The following ZNF226 variants were observed in gnomAD, a reference collection of about 807,000 sequenced individuals.
The protein encoded by ZNF226 is Kruppel-associated box protein.
A neutral mutation model predicts 11.4 loss-of-function variants in ZNF226; 6 were observed. The ratio of observed to expected loss-of-function variants is 0.53; its 90% CI spans 0.29 to 1.04. ZNF226 has a LOEUF of 1.04. Ranked by LOEUF, ZNF226 falls within the 50% of genes least tolerant of loss-of-function variation. The pLI, the probability that ZNF226 is intolerant of heterozygous loss-of-function variation, is 0.08. For missense variants in ZNF226, 1,058 were observed against 956.5 expected, an observed-to-expected ratio of 1.11 and a Z score of -1.40; for synonymous variants, 350 against 322.8, an observed-to-expected ratio of 1.08 and a Z score of -0.90.
the ZNF226 span, among the ~76,000 whole-genome samples, chr19:44,186,929 T>C: frequency 6.6e-6 from 1 of 151,676 alleles, no homozygotes; most frequent in Non-Finnish European, 1.5e-5. Flanking sequence ...GTGTATTACA[T>C]TGATTGATTT....
Position 44,176,978 on chromosome 19 carries a change from A to G in ZNF226, c.1716A>G (p.Ser572=), listed in dbSNP as rs1302373001. ...GTGGGCAGGGTTTCAATCAGAGCTC[A>G]CGACTTCAGATTCACCAGCTGATCC... ...EECGQGFNQS[S]RLQIHQLIHT... is the part of the protein sequence containing the mutation. Residue 572 remains serine, a synonymous_variant, in exon 6 of 6, where the codon TCA becomes TCG. Coordinates refer to ENST00000337433, the MANE Select transcript of ZNF226 (RefSeq NM_001032373.2). 3 of 1,614,006 alleles carry G rather than the reference A, an allele frequency of 1.9e-6. No homozygotes were observed. The East Asian group carries it at 6.7e-5, about 36-fold the overall frequency.
chr19:44,170,049 ACT>A lies in ZNF226; in HGVS notation c.-29_-28del. ...TTCTTTCCTAGTTCAGCTTCTTAGG[ACT>A]CTGCACTTCCCCAGAAGGAAGAATT... On this transcript the variant is annotated 5_prime_UTR_variant, in exon 3 of 6. Transcript: ENST00000337433. 6.2e-7 allele frequency: 1 copy of A among 1,606,216 alleles called. No homozygotes were observed. Among genetic ancestry groups the A allele is most frequent in the Non-Finnish European group, 8.5e-7 (1 of 1,175,838 alleles).
At position 44,176,254 on chromosome 19, in the gene ZNF226, TAG is replaced by T; in HGVS notation, c.996_997del (p.Lys333ThrfsTer5). 2 of 1,614,086 alleles carry T rather than the reference TAG, an allele frequency of 1.2e-6. No individual in the cohort carries two copies. Among genetic ancestry groups the T allele is most frequent in the Non-Finnish European group, 1.7e-6 (2 of 1,179,996 alleles). On this transcript the variant is annotated frameshift_variant, in exon 6 of 6. Transcript: ENST00000337433. LOFTEE classifies it low-confidence loss of function (END_TRUNC). The stretch of plus-strand genomic sequence containing the variant: ...CAGACCCATCAGAAAGTCCACGTGA[TAG>T]AGAAACCATACAAATGTAAGCAATG...
intron 2 of ZNF226, among the ~76,000 whole-genome samples, chr19:44,166,512 G>C (rs1463785613): frequency 6.6e-6 from 1 of 152,046 alleles, no homozygotes; most frequent in Non-Finnish European, 1.5e-5. Context: ...AAAAAGAAAA[G>C]AGTTTTTAAA....
chr19:44,182,696 A>T (rs1181714094), downstream of ZNF226, among the ~76,000 whole-genome samples: 2 of 151,558 alleles, frequency 1.3e-5, no homozygotes, highest in African/African-American at 4.8e-5. Flanking sequence ...AATGGGCTTT[A>T]AAAAAAAATT....
the ZNF226 span, among the ~76,000 whole-genome samples, chr19:44,196,052 A>T: frequency 6.6e-6 from 1 of 151,322 alleles, no homozygotes; most frequent in Non-Finnish European, 1.5e-5. Context: ...TTTTTTTCCC[A>T]GAAGGAATGA....
the ZNF226 span, among the ~76,000 whole-genome samples, chr19:44,187,855 A>G: frequency 1.3e-5 from 2 of 152,092 alleles, no homozygotes; most frequent in African/African-American, 4.8e-5. This position sits in a 1 kb window ranked among gnomAD's most constrained non-coding sequence, Gnocchi z 4.0. Context: ...GATGTTTTCT[A>G]AATTCCTTTA....
At position 44,172,161 on chromosome 19, in the gene ZNF226, GGAAGCTGTACC is replaced by G. The variant is rs1488408199; in HGVS notation, c.92_102del (p.Lys31ArgfsTer8). 6.2e-7 allele frequency: 1 copy of G among 1,613,276 alleles called. No individual in the cohort carries two copies. Among genetic ancestry groups the G allele is most frequent in the Non-Finnish European group, 8.5e-7 (1 of 1,179,442 alleles). On this transcript the variant is annotated frameshift_variant, in exon 4 of 6. Transcript: ENST00000337433. LOFTEE classifies it high-confidence loss of function. ...TTGGGGCTGCTGGGCCCTGCCCAGA[GGAAGCTGTACC>G]GAGATGTGATGGTGGAGAACTTTAG... is the stretch of plus-strand genomic sequence containing the variant.
At chr19:44,183,290 C>T (rs745637902), downstream of ZNF226, among the ~76,000 whole-genome samples, 9 of 152,112 alleles carry the variant, frequency 5.9e-5, no homozygotes, top group Admixed American at 1.3e-4. Flanking sequence ...TGCTTAGGCC[C>T]GTTTGTGGTG....
rs767593738 is a variant in ZNF226, at chr19:44,176,708, A to C, written c.1446A>C (p.Lys482Asn). ...CATACATATGTACTGTATGTGGGAA[A>C]GGCTTTACTCTGAGTTCAAATCTTC... ...EKSYICTVCG[K>N]GFTLSSNLQA... Residue 482 changes from lysine to asparagine, a missense_variant, in exon 6 of 6, where the codon AAA (lysine) becomes AAC (asparagine). Coordinates refer to ENST00000337433, the MANE Select transcript of ZNF226 (RefSeq NM_001032373.2). 3 of 1,613,742 alleles carry C rather than the reference A, an allele frequency of 1.9e-6. No individual in the cohort carries two copies. The highest frequency in any genetic ancestry group is 2.2e-5 in the East Asian group (1 of 44,830).
At chr19:44,175,283 A>G (rs1283236836) in intron 5 of ZNF226, 4 of 1,404,176 alleles carry the variant, frequency 2.8e-6, no homozygotes, top group Non-Finnish European at 3.7e-6. Flanking sequence ...GGGTTTCATT[A>G]GTGCTTAGCA....
intron 4 of ZNF226, 127 bp from the exon 5 acceptor site, chr19:44,172,733 C>A: frequency 1.4e-6 from 1 of 712,060 alleles, no homozygotes; most frequent in Non-Finnish European, 2.3e-6. Context: ...TTACTGAAGT[C>A]ACAATTTAAA....
chr19:44,179,944 G>A (rs538231587), downstream of ZNF226, among the ~76,000 whole-genome samples: 11 of 151,726 alleles, frequency 7.2e-5, no homozygotes, highest in African/African-American at 2.4e-4. Flanking sequence ...AAAACTAGTC[G>A]GGTGAGGTGA....
chr19:44,191,724 G>A, the ZNF226 span, among the ~76,000 whole-genome samples: 1 of 151,380 alleles, frequency 6.6e-6, no homozygotes, highest in African/African-American at 2.4e-5. Context: ...TAATCAGAGT[G>A]AAAAGAGATT....
chr19:44,166,816 GA>G (rs1277527743), intron 2 of ZNF226: 1 of 152,128 alleles, frequency 6.6e-6, no homozygotes, highest in African/African-American at 2.4e-5. Context: ...GAGCCCTACC[GA>G]AGGCCTTCTG....
At chr19:44,169,441 A>G (rs1387477515) in intron 2 of ZNF226, 1 of 152,254 alleles carries the variant, frequency 6.6e-6, no homozygotes, top group African/African-American at 2.4e-5. Flanking sequence ...TTCAGAAGTT[A>G]TAAGACACTT....
At chr19:44,180,419 TAAGTATGTA>T (rs1209146545), downstream of ZNF226, among the ~76,000 whole-genome samples, 1 of 152,192 alleles carries the variant, frequency 6.6e-6, no homozygotes, top group Non-Finnish European at 1.5e-5. Flanking sequence ...CTTCACATGC[TAAGTATGTA>T]AAGTCCATGA....
chr19:44,172,143 T>A lies in ZNF226; in HGVS notation c.71T>A (p.Leu24Gln). The A allele has an allele frequency of 6.2e-7, 1 of 1,613,382 alleles. No homozygotes were observed. The highest frequency in any genetic ancestry group is 8.5e-7 in the Non-Finnish European group (1 of 1,179,520). ...AVAFTEEELGLLGPAQRKLYR... is the reference protein window; with the variant it reads ...AVAFTEEELGQLGPAQRKLYR... ...GCCTTCACGGAGGAGGAATTGGGGC[T>A]GCTGGGCCCTGCCCAGAGGAAGCTG... The change falls in exon 4 of 6, where the codon CTG (leucine) becomes CAG (glutamine). Residue 24 changes from leucine (L) to glutamine (Q), a missense_variant. By Grantham distance (113) the Leu-to-Gln change is moderately radical (BLOSUM62 -2). Transcript: ENST00000337433.
the ZNF226 span, among the ~76,000 whole-genome samples, chr19:44,188,040 C>G: frequency 6.6e-6 from 1 of 152,078 alleles, no homozygotes; most frequent in Non-Finnish European, 1.5e-5. Flanking sequence ...GTAATATAGC[C>G]TAACATGGTC....
Sources: allele counts gnomAD v4.1 joint callset (sites outside exome capture counted in the v4.1 genomes callset), GRCh38; gene constraint gnomAD v4.1.1; non-coding constraint Gnocchi (gnomAD v3.1); transcripts MANE v1.5; gene names NCBI Gene and HGNC (gene_info 2026-07-23, HGNC 2026-07-21).